NCAM2: variants seen among roughly 807,000 people sequenced by gnomAD.
The protein encoded by NCAM2 is N-CAM-2.
NCAM2 carries 30 observed loss-of-function variants against 98.1 expected under a neutral mutation model. The ratio of observed to expected loss-of-function variants is 0.31; its 90% CI spans 0.23 to 0.41. The LOEUF (loss-of-function observed/expected upper bound fraction) is 0.41, where lower values mean the gene tolerates loss of function less well. Ranked by LOEUF, NCAM2 falls within the 10% of genes least tolerant of loss-of-function variation. The pLI is 1.00. For missense variants in NCAM2, 867 were observed against 1,005.8 expected, an observed-to-expected ratio of 0.86 and a Z score of 1.87; for synonymous variants, 368 against 342.4, an observed-to-expected ratio of 1.07 and a Z score of -0.83.
intron 1 of NCAM2, among the ~76,000 whole-genome samples, chr21:21,024,352 A>G (rs1383867593): frequency 6.6e-6 from 1 of 152,148 alleles, no homozygotes; most frequent in African/African-American, 2.4e-5. Flanking sequence ...AACAAAGGAG[A>G]TGGTTAGGTT....
chr21:21,176,658 A>G (rs2068299984), intron 1 of NCAM2, among the ~76,000 whole-genome samples: 1 of 152,090 alleles, frequency 6.6e-6, no homozygotes, highest in African/African-American at 2.4e-5. Flanking sequence ...TTTTTAAGTC[A>G]GAATATTTTA....
chr21:21,225,690 AAAATT>A (rs2070354138), intron 1 of NCAM2, among the ~76,000 whole-genome samples: 1 of 152,066 alleles, frequency 6.6e-6, no homozygotes, highest in South Asian at 2.1e-4. Context: ...AATTTCACCT[AAAATT>A]AAAGTTGTAA....
chr21:21,246,810 A>G (rs939634634), intron 1 of NCAM2, among the ~76,000 whole-genome samples: 2 of 152,158 alleles, frequency 1.3e-5, no homozygotes, highest in East Asian at 3.9e-4. Flanking sequence ...TGTCAATTAT[A>G]TTTTTCTATC....
intron 16 of NCAM2, among the ~76,000 whole-genome samples, chr21:21,522,632 C>CTTTT (rs61635255): frequency 0.3 from 37,563 of 124,180 alleles, 6,604 homozygotes; most frequent in East Asian, 0.55. Flanking sequence ...TTTTCTTTTT[C>CTTTT]TTTTTTTTTT....
chr21:21,427,741 C>T (rs1014950712), intron 11 of NCAM2, among the ~76,000 whole-genome samples: 1 of 152,190 alleles, frequency 6.6e-6, no homozygotes, highest in African/African-American at 2.4e-5. Flanking sequence ...CTTGCCATTA[C>T]ACACCTCAAA....
chr21:21,197,551 T>C (rs772562885), intron 1 of NCAM2, among the ~76,000 whole-genome samples: 5 of 152,158 alleles, frequency 3.3e-5, no homozygotes, highest in African/African-American at 4.8e-5. Flanking sequence ...TGTTAAATCT[T>C]CCAAGCATAA....
Position 21,452,982 on chromosome 21 carries a change from T to A in NCAM2, c.1655-13624T>A, listed in dbSNP as rs13053108. On this transcript the variant is annotated intron_variant, in intron 12 of 17. Transcript: ENST00000400546. ...TTATATATTATATATTATTATATAT[T>A]ATATATTATATTATATAATATATAA... Among the ~76,000 whole-genome samples the A allele has an allele frequency of 4.9e-3, 417 of 85,648 alleles. 1 individual carries two copies. The highest frequency in any genetic ancestry group is 7.8e-3 in the Admixed American group (41 of 5,236). The allele number at this position is 85,648 out of a possible 152,430, so 56.2% of individuals were successfully genotyped here. A position where few individuals can be genotyped will look rare whatever the true frequency, so the allele number is the denominator to read the frequency against.
chr21:21,418,696 G>A (rs979846336), intron 11 of NCAM2, 127 bp downstream of exon 11: 5 of 733,508 alleles, frequency 6.8e-6, no homozygotes, highest in East Asian at 2.6e-5. Flanking sequence ...GAGATATCAG[G>A]TAGACTGTGG....
At chr21:21,099,353 A>G (rs1484190914) in intron 1 of NCAM2, among the ~76,000 whole-genome samples, 2 of 151,890 alleles carry the variant, frequency 1.3e-5, no homozygotes, top group African/African-American at 2.4e-5. Flanking sequence ...TCACGCTGCT[A>G]TAAAGAACTG....
At chr21:21,135,763 C>G (rs1408598098) in intron 1 of NCAM2, among the ~76,000 whole-genome samples, 2 of 152,102 alleles carry the variant, frequency 1.3e-5, no homozygotes, top group African/African-American at 4.8e-5. Flanking sequence ...CTTTTTTCAA[C>G]CTTTTCCACT....
chr21:21,316,628 C>T (rs557708807), intron 5 of NCAM2, among the ~76,000 whole-genome samples: 1 of 142,010 alleles, frequency 7.0e-6, no homozygotes, highest in Non-Finnish European at 1.5e-5. Context: ...CCTACAACCT[C>T]TGCCTCCCAG....
intron 1 of NCAM2, among the ~76,000 whole-genome samples, chr21:21,253,487 A>T (rs1190457018): frequency 2.6e-5 from 4 of 152,094 alleles, no homozygotes; most frequent in African/African-American, 4.8e-5. Context: ...GACCTCAGAG[A>T]ACTGCCTTGC....
chr21:21,346,684 G>A (rs1313417788), intron 8 of NCAM2, among the ~76,000 whole-genome samples: 1 of 151,936 alleles, frequency 6.6e-6, no homozygotes, highest in Admixed American at 6.6e-5. Context: ...CATCCTCTCT[G>A]ACCACAATGC....
chr21:21,521,486 T>G (rs1381344054), intron 16 of NCAM2, among the ~76,000 whole-genome samples: 1 of 152,104 alleles, frequency 6.6e-6, no homozygotes, highest in East Asian at 1.9e-4. Context: ...ATTATCAGAC[T>G]AGGAATTTAA....
At chr21:21,493,492 G>T (rs1055445933) in intron 15 of NCAM2, among the ~76,000 whole-genome samples, 1 of 151,898 alleles carries the variant, frequency 6.6e-6, no homozygotes, top group Non-Finnish European at 1.5e-5. Flanking sequence ...TCCTGATAAT[G>T]AATATCTAAC....
chr21:21,454,157 CTA>C (rs767989319), intron 12 of NCAM2, among the ~76,000 whole-genome samples: 2 of 152,018 alleles, frequency 1.3e-5, no homozygotes, highest in Admixed American at 1.3e-4. Flanking sequence ...TTACAAAACT[CTA>C]GAGTGATGTT....
intron 1 of NCAM2, among the ~76,000 whole-genome samples, chr21:21,236,992 A>T (rs998808501): frequency 3.3e-5 from 5 of 151,846 alleles, no homozygotes; most frequent in African/African-American, 9.7e-5. Flanking sequence ...CTGTCTTTTT[A>T]TTTTCCTTAA....
intron 15 of NCAM2, among the ~76,000 whole-genome samples, chr21:21,491,908 AAC>A (rs1225532488): frequency 6.6e-6 from 1 of 151,580 alleles, no homozygotes; most frequent in East Asian, 1.9e-4. Context: ...CATACACCAG[AAC>A]AGTTATTTCT....
chr21:21,014,435 A>T (rs1426731981), intron 1 of NCAM2, among the ~76,000 whole-genome samples: 1 of 152,072 alleles, frequency 6.6e-6, no homozygotes, highest in Non-Finnish European at 1.5e-5. Context: ...AAAAAAAAAA[A>T]AAAAAATTAT....
Sources: allele counts gnomAD v4.1 joint callset (sites outside exome capture counted in the v4.1 genomes callset), GRCh38; gene constraint gnomAD v4.1.1; transcripts MANE v1.5; gene names NCBI Gene and HGNC (gene_info 2026-07-23, HGNC 2026-07-21).